KIAA1549L: variants seen among roughly 807,000 people sequenced by gnomAD.
The protein encoded by KIAA1549L is KIAA1549 like.
Under a neutral mutation model 160.7 loss-of-function variants are expected in KIAA1549L, and 88 were observed. The observed-to-expected ratio is 0.55, with a 90% CI of 0.46 to 0.65. The LOEUF (loss-of-function observed/expected upper bound fraction) is 0.65, where lower values mean the gene tolerates loss of function less well. KIAA1549L is among the 30% of genes least tolerant of loss of function. The pLI is 0.00. For synonymous variants in KIAA1549L, 950 were observed against 976.7 expected (o/e 0.97, Z 0.51); for missense variants, 2,258 against 2,437.5 (o/e 0.93, Z 1.55).
At chr11:33,604,261 T>G (rs1055877658) in intron 13 of KIAA1549L, among the ~76,000 whole-genome samples, 4 of 152,200 alleles carry the variant, frequency 2.6e-5, no homozygotes, top group Non-Finnish European at 5.9e-5. Flanking sequence ...AGTCAAGATG[T>G]TGGCCTGAGC....
In KIAA1549L at chr11:33,660,930, C is replaced by G. The variant is rs1852239153; in HGVS notation, c.6075C>G (p.Ile2025Met). ...ANRPGFTGYF[I>M]PTPPSSYRNQ... ...GACCTGGCTTCACCGGCTACTTCAT[C>G]CCAACGCCTCCCTCATCCTATAGGA... Residue 2025 changes from isoleucine (I) to methionine (M), a missense_variant, in exon 20 of 21, where the codon ATC becomes ATG. Physicochemically the swap from Ile to Met is conservative, Grantham distance 10. Coordinates refer to ENST00000658780, the MANE Select transcript of KIAA1549L (RefSeq NM_012194.3). 1 of 1,613,626 alleles carries G rather than the reference C, an allele frequency of 6.2e-7. No individual in the cohort carries two copies. Among genetic ancestry groups the G allele is most frequent in the East Asian group, 2.2e-5 (1 of 44,896 alleles).
chr11:33,645,762 T>A lies in KIAA1549L; in HGVS notation c.5486T>A (p.Val1829Glu), dbSNP rs1399455809. The A allele has an allele frequency of 6.2e-7, 1 of 1,613,730 alleles. No homozygotes were observed. Among genetic ancestry groups the A allele is most frequent in the African/African-American group, 1.3e-5 (1 of 74,956 alleles). ...EPRGYSRSRQ[V>E]KGHSETSTLS... is the part of the protein sequence containing the mutation. Reference sequence around the variant, plus strand: ...CGGGGCTATTCCAGGTCTCGACAGGTGAAAGGCCACTCGGAGACCTCCACA... The same window carrying A: ...CGGGGCTATTCCAGGTCTCGACAGGAGAAAGGCCACTCGGAGACCTCCACA... The change falls in exon 17 of 21, where the codon GTG becomes GAG. Residue 1829 changes from valine to glutamate, a missense_variant. By Grantham distance (121) the Val-to-Glu change is moderately radical. Coordinates refer to ENST00000658780, the MANE Select transcript of KIAA1549L (RefSeq NM_012194.3).
chr11:33,527,344 A>C (rs183103818), intron 1 of KIAA1549L, among the ~76,000 whole-genome samples: 90 of 152,332 alleles, frequency 5.9e-4, no homozygotes, highest in African/African-American at 2.0e-3. Flanking sequence ...AAAATGGGGA[A>C]AGGATACCTT....
chr11:33,429,127 A>G (rs550065925), intron 1 of KIAA1549L, among the ~76,000 whole-genome samples: 199 of 151,980 alleles, frequency 1.3e-3, no homozygotes, highest in African/African-American at 4.5e-3. Context: ...ACCCACCACT[A>G]CCCGCTGCTA....
intron 1 of KIAA1549L, among the ~76,000 whole-genome samples, chr11:33,393,361 T>C (rs1379965265): frequency 1.3e-5 from 2 of 152,218 alleles, no homozygotes; most frequent in Non-Finnish European, 2.9e-5. Context: ...TCTCTGCTTC[T>C]GTCTCCTGGG....
intron 1 of KIAA1549L, among the ~76,000 whole-genome samples, chr11:33,395,485 A>C (rs780400152): frequency 1.3e-5 from 2 of 152,212 alleles, no homozygotes; most frequent in Non-Finnish European, 2.9e-5. Flanking sequence ...AGAAAATGTA[A>C]CATTTTCTTT....
intron 1 of KIAA1549L, among the ~76,000 whole-genome samples, chr11:33,447,231 C>A (rs1034429243): frequency 6.7e-6 from 1 of 149,364 alleles, no homozygotes; most frequent in Admixed American, 6.6e-5. Flanking sequence ...ACACCCTGAA[C>A]GCTTGAAGTA....
chr11:33,559,466 G>C (rs1854764235), intron 6 of KIAA1549L, among the ~76,000 whole-genome samples: 2 of 152,114 alleles, frequency 1.3e-5, no homozygotes, highest in Admixed American at 1.3e-4. Flanking sequence ...TGATCATTCT[G>C]GGCCTCGGTT....
chr11:33,586,518 C>A (rs1849878681), intron 11 of KIAA1549L, among the ~76,000 whole-genome samples: 1 of 152,140 alleles, frequency 6.6e-6, no homozygotes, highest in Non-Finnish European at 1.5e-5. Context: ...ATTGGATGTA[C>A]AGCCATTTTT....
chr11:33,602,654 C>T (rs965812826), intron 13 of KIAA1549L, among the ~76,000 whole-genome samples: 2 of 152,066 alleles, frequency 1.3e-5, no homozygotes, highest in Non-Finnish European at 2.9e-5. Flanking sequence ...TGATGCGATG[C>T]TATGCTAAGA....
intron 1 of KIAA1549L, among the ~76,000 whole-genome samples, chr11:33,503,282 C>T (rs565810954): frequency 1.3e-5 from 2 of 152,270 alleles, no homozygotes; most frequent in African/African-American, 4.8e-5. Flanking sequence ...ATTCTTTCAT[C>T]CGAATCATTG....
chr11:33,483,654 G>A (rs193189126), intron 1 of KIAA1549L, among the ~76,000 whole-genome samples: 63 of 152,212 alleles, frequency 4.1e-4, no homozygotes, highest in African/African-American at 1.5e-3. Context: ...AGGGACCCAT[G>A]GGAGATAACT....
In KIAA1549L at chr11:33,614,590, T is replaced by A. The variant is rs1159638290; in HGVS notation, c.5280-3943T>A. Among the ~76,000 whole-genome samples, 27 of 40,480 alleles carry A rather than the reference T, an allele frequency of 6.7e-4. 1 individual carries two copies. The highest frequency in any genetic ancestry group is 1.2e-3 in the Non-Finnish European group (24 of 19,334). The allele number at this position is 40,480 out of a possible 152,430, so 26.6% of individuals were successfully genotyped here. On this transcript the variant is annotated intron_variant, in intron 15 of 20. Transcript: ENST00000658780. ...TATATATATATATATATATATTTTT[T>A]TTTTTTTTTTTTTTTTTTTTTTTTT...
intron 17 of KIAA1549L, among the ~76,000 whole-genome samples, chr11:33,654,573 C>T (rs1253022181): frequency 6.6e-6 from 1 of 152,188 alleles, no homozygotes; most frequent in Non-Finnish European, 1.5e-5. Context: ...CAATGCTAGC[C>T]TCCTTTTGTG....
intron 1 of KIAA1549L, among the ~76,000 whole-genome samples, chr11:33,465,985 A>T (rs112836939): frequency 0.023 from 3,433 of 152,304 alleles, 43 homozygotes; most frequent in South Asian, 0.085. Flanking sequence ...AAGCCAAAAA[A>T]CAAAAGCCTA....
chr11:33,663,824 C>T (rs1469567058), intron 20 of KIAA1549L, among the ~76,000 whole-genome samples: 1 of 152,198 alleles, frequency 6.6e-6, no homozygotes, highest in Non-Finnish European at 1.5e-5. Context: ...ATGGAGTTGA[C>T]AGCCTGAGAC....
chr11:33,661,663 T>C (rs549711893), intron 20 of KIAA1549L, among the ~76,000 whole-genome samples: 23 of 152,222 alleles, frequency 1.5e-4, no homozygotes, highest in Middle Eastern at 3.4e-3. Context: ...GCAGGTCACC[T>C]GACATCAGGA....
chr11:33,380,570 C>G (rs1278764885), intron 1 of KIAA1549L, among the ~76,000 whole-genome samples: 1 of 152,098 alleles, frequency 6.6e-6, no homozygotes, highest in Non-Finnish European at 1.5e-5. Flanking sequence ...GAGCTGAGTT[C>G]AGGTCCTGAA....
chr11:33,393,192 G>A (rs930407882), intron 1 of KIAA1549L, among the ~76,000 whole-genome samples: 28 of 152,100 alleles, frequency 1.8e-4, no homozygotes, highest in African/African-American at 6.0e-4. Context: ...AGCCCTTTGC[G>A]CCCTTTACAT....
Sources: gnomAD v4.1 joint callset for allele counts (sites outside exome capture counted in the v4.1 genomes callset) on GRCh38, gnomAD v4.1.1 for gene constraint, MANE v1.5 for transcripts, NCBI Gene and HGNC (gene_info 2026-07-23, HGNC 2026-07-21) for gene names.